FAM153A: variants seen among roughly 807,000 people sequenced by gnomAD.
The protein encoded by FAM153A is family with sequence similarity 153 member A.
A neutral mutation model predicts 48.1 loss-of-function variants in FAM153A; 12 were observed. The observed-to-expected ratio is 0.25, with a 90% confidence interval of 0.16 to 0.40. The LOEUF is 0.40. Among genes scored for constraint, FAM153A ranks in the 10% least tolerant of loss-of-function variants. The pLI is 1.00. For synonymous variants in FAM153A, 36 were observed against 118.2 expected (o/e 0.30, Z 4.51); for missense variants, 111 against 345.8 (o/e 0.32, Z 5.38).
downstream of FAM153A, among the ~76,000 whole-genome samples, chr5:177,703,346 A>G (rs1757617083): frequency 6.6e-6 from 1 of 151,738 alleles, no homozygotes; most frequent in African/African-American, 2.4e-5. Flanking sequence ...GTTTTGGTTG[A>G]TTTCTCCCTT....
chr5:177,708,285 C>T, downstream of FAM153A, among the ~76,000 whole-genome samples: 1 of 49,592 alleles, frequency 2.0e-5, no homozygotes, highest in Non-Finnish European at 4.1e-5. Flanking sequence ...GAGGTGCTCT[C>T]TTTTTCATGG....
chr5:177,753,177 T>C, exon 1 of FAM153A: 2 of 1,611,804 alleles, frequency 1.2e-6, no homozygotes, highest in Non-Finnish European at 1.7e-6. Flanking sequence ...CATACATACC[T>C]TCAAGGCAAC....
chr5:177,734,919 C>T (rs1206665432), exon 13 of FAM153A: 4 of 1,537,702 alleles, frequency 2.6e-6, no homozygotes, highest in Non-Finnish European at 3.5e-6. Flanking sequence ...TCCTGAAGTA[C>T]ATCCCTGATC....
chr5:177,711,145 T>C (rs935038251), exon 27 of FAM153A: 1 of 151,916 alleles, frequency 6.6e-6, no homozygotes, highest in African/African-American at 2.4e-5. Context: ...ACTAAAGACA[T>C]ATACAATGGT....
At chr5:177,711,272 A>C (rs1188345701) in exon 27 of FAM153A, 2 of 151,938 alleles carry the variant, frequency 1.3e-5, no homozygotes, top group African/African-American at 2.4e-5. Flanking sequence ...AATATGAAAC[A>C]ATGTTAATAA....
intron 1 of FAM153A, among the ~76,000 whole-genome samples, chr5:177,779,037 A>T (rs1023354124): frequency 2.7e-5 from 4 of 149,298 alleles, no homozygotes; most frequent in Admixed American, 1.3e-4. Context: ...TAACTTGCAT[A>T]ACTGGAAAAA....
chr5:177,752,723 T>A (rs1348967066), intron 1 of FAM153A, among the ~76,000 whole-genome samples: 65 of 121,572 alleles, frequency 5.3e-4, no homozygotes, highest in African/African-American at 1.7e-3. Context: ...AGGTCAGGAG[T>A]TCAAGACCTC....
At chr5:177,704,735 C>T (rs956782949), downstream of FAM153A, among the ~76,000 whole-genome samples, 2 of 151,726 alleles carry the variant, frequency 1.3e-5, no homozygotes, top group Admixed American at 1.3e-4. Context: ...CCAGGTGCAG[C>T]GGCTCATGCC....
chr5:177,754,679 A>C (rs1201069163), upstream of FAM153A, among the ~76,000 whole-genome samples: 1 of 151,870 alleles, frequency 6.6e-6, no homozygotes, highest in East Asian at 1.9e-4. Context: ...GCTGTTCCTC[A>C]ATATTCGCTG....
intron 1 of FAM153A, chr5:177,753,033 T>G: frequency 1.9e-6 from 1 of 513,854 alleles, no homozygotes; most frequent in Non-Finnish European, 3.3e-6. Flanking sequence ...ACAAATTGAG[T>G]AATAAAACTC....
At chr5:177,781,997 G>A (rs1347319172), upstream of FAM153A, among the ~76,000 whole-genome samples, 12 of 103,328 alleles carry the variant, frequency 1.2e-4, no homozygotes, top group Non-Finnish European at 2.5e-4. Context: ...CCAAAGTGCT[G>A]GGATTACAGG....
In FAM153A at chr5:177,716,131, G is replaced by A. The variant is rs562497745; in HGVS notation, c.*1222+214C>T. The stretch of plus-strand genomic sequence containing the variant: ...CCCGAGTAGCTGGGACTACAGGCAC[G>A]TGCCACCATGCTCAGCTAATTTTCG... On this transcript the variant is annotated intron_variant and NMD_transcript_variant, in intron 25 of 26. Transcript: ENST00000360669. 1.9e-4 allele frequency among the ~76,000 whole-genome samples: 29 copies of A among 151,422 alleles called. No homozygotes were observed. The East Asian group carries it at 3.7e-3, about 19-fold the overall frequency.
At chr5:177,746,211 G>A (rs1271788933) in intron 4 of FAM153A, among the ~76,000 whole-genome samples, 2 of 150,984 alleles carry the variant, frequency 1.3e-5, no homozygotes, top group African/African-American at 4.9e-5. Context: ...GGTGGACGAT[G>A]AATGGGTAGC....
chr5:177,781,264 A>ATTTTTTT (rs1303137176), upstream of FAM153A, among the ~76,000 whole-genome samples: 536 of 75,196 alleles, frequency 7.1e-3, no homozygotes, highest in African/African-American at 0.025. Flanking sequence ...ACGCCCGGCT[A>ATTTTTTT]TTTTTTTTTT....
At chr5:177,724,500 C>T (rs1761918618) in intron 19 of FAM153A, 138 bp from the exon 22 acceptor site, 1 of 620,624 alleles carries the variant, frequency 1.6e-6, no homozygotes, top group Non-Finnish European at 2.9e-6. Flanking sequence ...TCTTCTGACC[C>T]CAGCCCAGCC....
At chr5:177,737,592 C>T (rs567149144) in intron 10 of FAM153A, among the ~76,000 whole-genome samples, 2 of 151,484 alleles carry the variant, frequency 1.3e-5, no homozygotes, top group East Asian at 3.9e-4. Context: ...GCAATCTCAA[C>T]CCACCACCAC....
chr5:177,704,662 T>C (rs148815456), downstream of FAM153A, among the ~76,000 whole-genome samples: 1,717 of 151,884 alleles, frequency 0.011, 57 homozygotes, highest in African/African-American at 0.039. Context: ...CCCGTGGTGC[T>C]GTTCTCATGA....
At chr5:177,708,287 T>TTTTAAAAGTAC (rs200071085), downstream of FAM153A, among the ~76,000 whole-genome samples, 2 of 95,726 alleles carry the variant, frequency 2.1e-5, no homozygotes, top group African/African-American at 4.3e-5. Context: ...GGTGCTCTCT[T>TTTTAAAAGTAC]TTTCATGGGC....
chr5:177,705,792 T>C (rs1286121193), downstream of FAM153A, among the ~76,000 whole-genome samples: 1 of 148,774 alleles, frequency 6.7e-6, no homozygotes, highest in East Asian at 2.0e-4. Flanking sequence ...CCCCAGTAGG[T>C]GAGATTACAG....
Sources: allele counts gnomAD v4.1 joint callset (sites outside exome capture counted in the v4.1 genomes callset), GRCh38; gene constraint gnomAD v4.1.1; transcripts MANE v1.5; gene names NCBI Gene and HGNC (gene_info 2026-07-23, HGNC 2026-07-21).